AXIN2: variants seen among roughly 807,000 people sequenced by gnomAD.
AXIN2 encodes the protein axin 2.
AXIN2 carries 21 observed loss-of-function variants against 74.7 expected under a neutral mutation model. The observed-to-expected ratio is 0.28, with a 90% CI of 0.20 to 0.40. The LOEUF is 0.40. Among genes scored for constraint, AXIN2 ranks in the 10% least tolerant of loss-of-function variants. AXIN2 has a pLI of 1.00. For missense variants in AXIN2, 1,144 were observed against 1,111.1 expected, an observed-to-expected ratio of 1.03 and a Z score of -0.42; for synonymous variants, 532 against 454.9, an observed-to-expected ratio of 1.17 and a Z score of -2.16.
Position 65,549,600 on chromosome 17 carries a change from T to C in AXIN2, c.876A>G (p.Ala292=), listed in dbSNP as rs755685014. 5.0e-6 allele frequency: 8 copies of C among 1,606,524 alleles called. No homozygotes were observed. Among genetic ancestry groups the C allele is most frequent in the Middle Eastern group, 1.7e-4 (1 of 6,058 alleles). Reference sequence around the variant, plus strand: ...CACTGTCGTTGGCGCTGGTGGCTGGTGCAAAGACATAGCCAGAACCTATGT... The same window carrying C: ...CACTGTCGTTGGCGCTGGTGGCTGGCGCAAAGACATAGCCAGAACCTATGT... ...PYHIGSGYVF[A]PATSANDSEI... Residue 292 remains alanine, a synonymous_variant, in exon 3 of 11, where the codon GCA becomes GCG. Transcript: ENST00000307078.
rs1188302326 is a variant in AXIN2 at position 65,558,752 on chromosome 17, A to AG, written c.-116-17dup. On this transcript the variant is annotated splice_polypyrimidine_tract_variant and intron_variant, in intron 1 of 10. Coordinates refer to ENST00000307078, the MANE Select transcript of AXIN2 (RefSeq NM_004655.4). ...AACCTCCTCTCTGGAAAGAAAAGGA[A>AG]GGGGGGAGGTGGGGAGAGAGAAAAG... is the stretch of plus-strand genomic sequence containing the variant. 3 of 935,540 alleles carry AG rather than the reference A, an allele frequency of 3.2e-6. No individual in the cohort carries two copies. Among genetic ancestry groups the AG allele is most frequent in the Non-Finnish European group, 5.0e-6 (3 of 602,280 alleles). 58.0% of individuals were successfully genotyped at this position (935,540 alleles called of 1,614,324 possible).
intron 10 of AXIN2, 43 bp downstream of exon 10, chr17:65,533,869 G>T: frequency 7.2e-7 from 1 of 1,396,758 alleles, no homozygotes; most frequent in Non-Finnish European, 9.6e-7. Context: ...TCTTGGTTCT[G>T]AGCAAACAAA....
At chr17:65,548,319 C>G (rs755020508) in intron 3 of AXIN2, among the ~76,000 whole-genome samples, 1 of 152,240 alleles carries the variant, frequency 6.6e-6, no homozygotes, top group African/African-American at 2.4e-5. Flanking sequence ...ACCTCATCAA[C>G]TTTCCCTCCA....
intron 10 of AXIN2, among the ~76,000 whole-genome samples, chr17:65,532,727 C>A (rs1317864532): frequency 6.6e-6 from 1 of 152,250 alleles, no homozygotes; most frequent in Non-Finnish European, 1.5e-5. Flanking sequence ...GCCCACCTGG[C>A]AGGTTACCAA....
At chr17:65,539,693 A>G (rs1199358577) in intron 4 of AXIN2, among the ~76,000 whole-genome samples, 1 of 152,230 alleles carries the variant, frequency 6.6e-6, no homozygotes, top group Non-Finnish European at 1.5e-5. Flanking sequence ...TAGTTTGTGC[A>G]CTAATGCAAC....
At position 65,536,864 on chromosome 17, in the gene AXIN2, T is replaced by A; in HGVS notation, c.1907+5A>T. 6.2e-7 allele frequency: 1 copy of A among 1,612,910 alleles called. No homozygotes were observed. The highest frequency in any genetic ancestry group is 8.5e-7 in the Non-Finnish European group (1 of 1,179,884). ...GCGGCCGCGGCGGCGGCAAGCGGTG[T>A]TTACCTATGGGGCTTGGGCTTGCTC... On this transcript the variant is annotated splice_donor_5th_base_variant and intron_variant, in intron 7 of 10. Coordinates refer to ENST00000307078, the MANE Select transcript of AXIN2 (RefSeq NM_004655.4).
At chr17:65,555,522 C>T (rs1317083603) in intron 2 of AXIN2, among the ~76,000 whole-genome samples, 1 of 151,946 alleles carries the variant, frequency 6.6e-6, no homozygotes, top group Non-Finnish European at 1.5e-5. Flanking sequence ...ACCTGGTTGT[C>T]CTATTTACAT....
At chr17:65,537,892 C>A in intron 5 of AXIN2, 57 bp from the exon 6 acceptor site, 1 of 1,494,422 alleles carries the variant, frequency 6.7e-7, no homozygotes, top group Non-Finnish European at 8.9e-7. Context: ...GGCCAGAGGC[C>A]CTGGGGTTGC....
Position 65,557,962 on chromosome 17 carries a change from A to T in AXIN2, c.659T>A (p.Val220Asp), listed in dbSNP as rs2144583413. 6.2e-7 allele frequency: 1 copy of T among 1,614,048 alleles called. No individual in the cohort carries two copies. The highest frequency in any genetic ancestry group is 8.5e-7 in the Non-Finnish European group (1 of 1,180,018). Residue 220 changes from valine (V) to aspartate (D), a missense_variant, in exon 2 of 11, where the codon GTC (valine) becomes GAC (aspartate). Physicochemically the swap from Val to Asp is radical, Grantham distance 152 (BLOSUM62 -3). This residue lies in a region of AXIN2 where 1,053 missense variants were observed against 973.5 expected (regional missense o/e 1.08). Coordinates refer to ENST00000307078, the MANE Select transcript of AXIN2 (RefSeq NM_004655.4). ...CAAGGTGGGGAGATAGCCACACACG[A>T]CCTTTAGGCTCCCGAGTCCCCCATT... ...MSNGGLGSLK[V>D]VCGYLPTLNE... is the part of the protein sequence containing the mutation.
At chr17:65,559,080 C>G (rs2044322061) in intron 1 of AXIN2, among the ~76,000 whole-genome samples, 2 of 152,076 alleles carry the variant, frequency 1.3e-5, no homozygotes, top group African/African-American at 4.8e-5. Flanking sequence ...AGGGCGCACG[C>G]AGGGCAGCTC....
intron 10 of AXIN2, 113 bp downstream of exon 10, chr17:65,533,799 C>T (rs926389022): frequency 4.2e-6 from 4 of 950,586 alleles, no homozygotes; most frequent in African/African-American, 3.3e-5. Context: ...CCTGCTGAGC[C>T]CCCTCCCACC....
chr17:65,551,755 C>A (rs2044196803), intron 2 of AXIN2, among the ~76,000 whole-genome samples: 1 of 152,302 alleles, frequency 6.6e-6, no homozygotes, highest in Admixed American at 6.5e-5. Flanking sequence ...CCCCTGTAAT[C>A]ATCACAACCA....
In AXIN2 at chr17:65,537,462, G is replaced by GAT. The variant is rs2043948786; in HGVS notation, c.1573_1574insAT (p.Pro525HisfsTer165). On this transcript the variant is annotated frameshift_variant, in exon 6 of 11. Transcript: ENST00000307078. LOFTEE classifies it high-confidence loss of function. Reference sequence around the variant, plus strand: ...CGCCTCGATCTCCTCCTTGGTCTTGGGGACGGCATGGTGGTGGATGTAGTG... The same window carrying GAT: ...CGCCTCGATCTCCTCCTTGGTCTTGGATGGACGGCATGGTGGTGGATGTAGTG... 6.2e-7 allele frequency: 1 copy of GAT among 1,613,928 alleles called. No individual in the cohort carries two copies. The highest frequency in any genetic ancestry group is 1.1e-5 in the South Asian group (1 of 91,074).
At chr17:65,554,356 T>G (rs2044237308) in intron 2 of AXIN2, among the ~76,000 whole-genome samples, 1 of 152,182 alleles carries the variant, frequency 6.6e-6, no homozygotes, top group African/African-American at 2.4e-5. Flanking sequence ...CTCTGAAAAT[T>G]TACTCACAAG....
At chr17:65,544,371 G>A (rs1046352032) in intron 3 of AXIN2, among the ~76,000 whole-genome samples, 21 of 89,750 alleles carry the variant, frequency 2.3e-4, no homozygotes, top group Non-Finnish European at 2.9e-4. Flanking sequence ...CTCATACCCC[G>A]CCCCCCATCC....
intron 2 of AXIN2, among the ~76,000 whole-genome samples, chr17:65,550,619 CCCA>C (rs1269134934): frequency 6.6e-6 from 1 of 152,142 alleles, no homozygotes; most frequent in Non-Finnish European, 1.5e-5. Flanking sequence ...CTCCACTGGT[CCCA>C]CCAAGTCTAT....
At chr17:65,531,523 C>A (rs569908107) in intron 10 of AXIN2, among the ~76,000 whole-genome samples, 67 of 152,156 alleles carry the variant, frequency 4.4e-4, no homozygotes, top group African/African-American at 1.5e-3. Flanking sequence ...ACATAAGAGG[C>A]TCAAATCCCA....
At position 65,561,465 on chromosome 17, in the gene AXIN2, C is replaced by T. The variant is rs899394847; in HGVS notation, c.-132G>A. On this transcript the variant is annotated 5_prime_UTR_variant, in exon 1 of 11. Coordinates refer to ENST00000307078, the MANE Select transcript of AXIN2 (RefSeq NM_004655.4). ...CCACCCCCACCTTTTACAGCAGGGCCTTCGGCGGGCGCCTCGGCCGCCGGG... is the reference window on the plus strand; with the variant it reads ...CCACCCCCACCTTTTACAGCAGGGCTTTCGGCGGGCGCCTCGGCCGCCGGG... The T allele has an allele frequency of 6.7e-6, 1 of 150,166 alleles. No individual in the cohort carries two copies. Among genetic ancestry groups the T allele is most frequent in the Non-Finnish European group, 1.5e-5 (1 of 67,148 alleles). 9.3% of individuals were successfully genotyped at this position (150,166 alleles called of 1,614,324 possible).
intron 7 of AXIN2, 138 bp downstream of exon 7, chr17:65,536,731 C>A (rs532321340): frequency 1.7e-5 from 25 of 1,451,006 alleles, no homozygotes; most frequent in Non-Finnish European, 2.3e-5. Flanking sequence ...TCTGCTCAGT[C>A]CAACGTTTAA....
Sources: allele counts gnomAD v4.1 joint callset (sites outside exome capture counted in the v4.1 genomes callset), GRCh38; gene constraint gnomAD v4.1.1; regional missense constraint gnomAD v4.1.1; transcripts MANE v1.5; gene names NCBI Gene and HGNC (gene_info 2026-07-23, HGNC 2026-07-21).